ANKRD28: variants seen among roughly 807,000 people sequenced by gnomAD.
ANKRD28 encodes ankyrin repeat domain 28.
Under a neutral mutation model 126.5 loss-of-function variants are expected in ANKRD28, and 44 were observed. The observed-to-expected ratio is 0.35, with a 90% CI of 0.27 to 0.45. ANKRD28 has a LOEUF of 0.45. ANKRD28 is among the 20% of genes least tolerant of loss of function. ANKRD28 has a pLI of 1.00. For missense variants in ANKRD28, 1,110 were observed against 1,316.6 expected (o/e 0.84, Z 2.43); for synonymous variants, 442 against 468.5 (o/e 0.94, Z 0.73).
chr3:15,798,191 T>A, upstream of ANKRD28: 1 of 985,260 alleles, frequency 1.0e-6, no homozygotes, highest in Middle Eastern at 5.2e-4. Flanking sequence ...ACAGTGGTTT[T>A]AGCAAGTAAA....
intron 1 of ANKRD28, chr3:15,859,297 C>A (rs1406766193): frequency 4.7e-6 from 7 of 1,500,678 alleles, no homozygotes; most frequent in Non-Finnish European, 6.2e-6. Context: ...AGCGGGCGTC[C>A]CAGCGGCCCA....
At chr3:15,696,810 G>C (rs1236217136) in intron 14 of ANKRD28, among the ~76,000 whole-genome samples, 1 of 152,032 alleles carries the variant, frequency 6.6e-6, no homozygotes, top group African/African-American at 2.4e-5. Flanking sequence ...TCATTTCTGT[G>C]ATAATAAAAT....
At position 15,837,637 on chromosome 3, in the gene ANKRD28, A is replaced by T. The variant is rs572142800; in HGVS notation, c.27+21740T>A. Among the ~76,000 whole-genome samples, 221 of 152,334 alleles carry T rather than the reference A, an allele frequency of 1.5e-3. 2 individuals are homozygous for T. Among genetic ancestry groups the T allele is most frequent in the Non-Finnish European group, 2.5e-3 (173 of 68,026 alleles). ...AAACACATCAAAACTCATAGGATAC[A>T]GACAATGCAGTGTTTAGAGGGAAAA... is the stretch of plus-strand genomic sequence containing the variant. On this transcript the variant is annotated intron_variant, in intron 1 of 27. Coordinates refer to the ANKRD28 transcript ENST00000399451.
At chr3:15,772,619 G>C (rs1464310283) in intron 2 of ANKRD28, among the ~76,000 whole-genome samples, 2 of 152,156 alleles carry the variant, frequency 1.3e-5, no homozygotes, top group Non-Finnish European at 2.9e-5. Context: ...CTAATAAAAA[G>C]AAAGGTCATA....
chr3:15,682,957 C>A (rs958330107), intron 21 of ANKRD28, among the ~76,000 whole-genome samples: 1 of 152,162 alleles, frequency 6.6e-6, no homozygotes, highest in African/African-American at 2.4e-5. Context: ...ACCAGGCATG[C>A]AGTTCTTGCA....
chr3:15,709,463 G>A (rs1385796171), intron 13 of ANKRD28, among the ~76,000 whole-genome samples: 1 of 152,144 alleles, frequency 6.6e-6, no homozygotes, highest in Non-Finnish European at 1.5e-5. Context: ...TGGTTGGTAG[G>A]CTAGGGCTGT....
At chr3:15,678,474 T>A in intron 23 of ANKRD28, 120 bp from the exon 24 acceptor site, 1 of 868,186 alleles carries the variant, frequency 1.2e-6, no homozygotes, top group Non-Finnish European at 1.7e-6. Context: ...ACAAAAGCAC[T>A]GCCTGTACAC....
At chr3:15,710,799 G>A (rs1009342022) in intron 12 of ANKRD28, among the ~76,000 whole-genome samples, 2 of 151,864 alleles carry the variant, frequency 1.3e-5, no homozygotes, top group African/African-American at 4.8e-5. Flanking sequence ...CCTAGTAGAG[G>A]TAAGACACAG....
At chr3:15,688,270 C>T (rs888709389) in intron 18 of ANKRD28, among the ~76,000 whole-genome samples, 3 of 152,144 alleles carry the variant, frequency 2.0e-5, no homozygotes, top group Admixed American at 6.5e-5. Context: ...TTTCACAGAT[C>T]CCATCCAGTG....
rs144858981 is a variant in ANKRD28, at chr3:15,707,493, C to T, written c.1547+431G>A. On this transcript the variant is annotated intron_variant, in intron 14 of 27. Transcript: ENST00000683139. ...TTTTGGACACCAATTTACAAGGGTT[C>T]CTTGCAAATCTGAACTGTCTACCTC... 3.6e-3 allele frequency among the ~76,000 whole-genome samples: 548 copies of T among 152,292 alleles called. 7 individuals carry two copies. The highest frequency in any genetic ancestry group is 0.013 in the African/African-American group (529 of 41,572).
chr3:15,713,485 T>C, intron 10 of ANKRD28, 42 bp downstream of exon 10: 1 of 1,493,026 alleles, frequency 6.7e-7, no homozygotes, highest in Non-Finnish European at 9.2e-7. Context: ...CTTCCCTTTG[T>C]GCTTGCCTGT....
chr3:15,799,118 G>A (rs575231474), upstream of ANKRD28, among the ~76,000 whole-genome samples: 1 of 151,950 alleles, frequency 6.6e-6, no homozygotes, highest in African/African-American at 2.4e-5. Flanking sequence ...CACACATACA[G>A]ACACACTCTC....
intron 2 of ANKRD28, among the ~76,000 whole-genome samples, chr3:15,779,215 G>A (rs2125678608): frequency 6.6e-6 from 1 of 152,244 alleles, no homozygotes; most frequent in South Asian, 2.1e-4. Context: ...TTAAGACGAG[G>A]CAAAGGAAGA....
chr3:15,774,998 T>A (rs1273596945), intron 2 of ANKRD28, among the ~76,000 whole-genome samples: 2 of 152,216 alleles, frequency 1.3e-5, no homozygotes, highest in Non-Finnish European at 2.9e-5. Flanking sequence ...TGCCTCAGCC[T>A]CCCCAGTAGC....
At chr3:15,740,304 C>T (rs78672948) in intron 4 of ANKRD28, among the ~76,000 whole-genome samples, 1,840 of 152,146 alleles carry the variant, frequency 0.012, 41 homozygotes, top group African/African-American at 0.042. Flanking sequence ...ATAAAGGTTA[C>T]ACAGGTGTAT....
intron 1 of ANKRD28, among the ~76,000 whole-genome samples, chr3:15,796,144 C>G (rs1416921583): frequency 6.6e-6 from 1 of 152,100 alleles, no homozygotes; most frequent in Non-Finnish European, 1.5e-5. Flanking sequence ...GTTGCCATAA[C>G]TACTAATTCT....
intron 3 of ANKRD28, among the ~76,000 whole-genome samples, chr3:15,765,965 T>G (rs1263558678): frequency 2.6e-5 from 4 of 152,072 alleles, no homozygotes; most frequent in Non-Finnish European, 2.9e-5. Context: ...TAATATACTA[T>G]AAAATTCACT....
intron 14 of ANKRD28, among the ~76,000 whole-genome samples, chr3:15,698,929 C>T (rs1219002352): frequency 6.6e-6 from 1 of 152,164 alleles, no homozygotes; most frequent in Non-Finnish European, 1.5e-5. Context: ...GCCCGCATTG[C>T]CAAGACAATC....
intron 4 of ANKRD28, among the ~76,000 whole-genome samples, chr3:15,740,809 C>T (rs1455805820): frequency 6.6e-6 from 1 of 152,062 alleles, no homozygotes; most frequent in African/African-American, 2.4e-5. Context: ...AAGTGGGCAC[C>T]TAAATAAGAC....
Sources: gnomAD v4.1 joint callset for allele counts (sites outside exome capture counted in the v4.1 genomes callset) on GRCh38, gnomAD v4.1.1 for gene constraint, MANE v1.5 for transcripts, NCBI Gene and HGNC (gene_info 2026-07-23, HGNC 2026-07-21) for gene names.